The following SNTG2 variants were observed in gnomAD, a reference collection of about 807,000 sequenced individuals.
SNTG2 encodes gamma-2-syntrophin.
SNTG2 carries 74 observed loss-of-function variants against 70.9 expected under a neutral mutation model. The observed-to-expected ratio is 1.04, with a 90% CI of 0.86 to 1.27. SNTG2 has a LOEUF of 1.27. SNTG2 is among the 50% of genes most tolerant of loss of function. SNTG2 has a pLI of 0.00. For missense variants in SNTG2, 717 were observed against 690.7 expected (o/e 1.04, Z -0.43); for synonymous variants, 278 against 273.8 (o/e 1.02, Z -0.15).
At chr2:1,009,591 C>T (rs1659666621) in intron 1 of SNTG2, among the ~76,000 whole-genome samples, 1 of 134,506 alleles carries the variant, frequency 7.4e-6, no homozygotes, top group South Asian at 2.9e-4. Context: ...GCAGCCACAC[C>T]CATGTCCCCA....
At chr2:1,326,349 G>A (rs866598532) in intron 16 of SNTG2, among the ~76,000 whole-genome samples, 6 of 152,148 alleles carry the variant, frequency 3.9e-5, no homozygotes, top group African/African-American at 1.4e-4. Flanking sequence ...TTATTTTAAG[G>A]TCAAAAAGGC....
intron 1 of SNTG2, among the ~76,000 whole-genome samples, chr2:1,031,528 ATTTTTTT>A (rs745388505): frequency 0.14 from 8,523 of 59,120 alleles, 721 homozygotes; most frequent in Middle Eastern, 0.21. Flanking sequence ...ATATATATAT[ATTTTTTT>A]TTTTTTTTTT....
chr2:1,037,696 G>A (rs991606095), intron 1 of SNTG2, among the ~76,000 whole-genome samples: 18 of 152,154 alleles, frequency 1.2e-4, no homozygotes, highest in South Asian at 8.3e-4. Flanking sequence ...AACATAGGAC[G>A]TCTGGTCTTT....
chr2:1,164,012 C>A (rs939695992), intron 6 of SNTG2, among the ~76,000 whole-genome samples: 1 of 152,208 alleles, frequency 6.6e-6, no homozygotes, highest in African/African-American at 2.4e-5. Flanking sequence ...CTGTAATCCT[C>A]CAGGTAGGCA....
At chr2:1,214,511 A>G (rs773623519) in intron 9 of SNTG2, among the ~76,000 whole-genome samples, 11 of 152,028 alleles carry the variant, frequency 7.2e-5, no homozygotes, top group Non-Finnish European at 1.6e-4. Context: ...ACTACTGTAA[A>G]TGGGATTGTT....
intron 2 of SNTG2, among the ~76,000 whole-genome samples, chr2:1,084,045 A>G (rs577961352): frequency 6.6e-6 from 1 of 152,254 alleles, no homozygotes; most frequent in South Asian, 2.1e-4. Flanking sequence ...CATCTCAAAA[A>G]AAAAAGGAAA....
Position 1,267,398 on chromosome 2 carries a change from A to G in SNTG2, c.1111A>G (p.Asn371Asp). ...CACAGAGGACTGCTGGTTGCAAGCA[A>G]ACTTGTATCTGGGTCTTCAAGATTT... Reference protein sequence around the residue: ...WLTEDCWLQANLYLGLQDFDF... With the variant: ...WLTEDCWLQADLYLGLQDFDF... Residue 371 changes from asparagine to aspartate, a missense_variant, in exon 14 of 17, where the codon AAC becomes GAC. Physicochemically the swap from Asn to Asp is conservative, Grantham distance 23 (BLOSUM62 1). Coordinates refer to ENST00000308624, the MANE Select transcript of SNTG2 (RefSeq NM_018968.4). 1 of 1,609,388 alleles carries G rather than the reference A, an allele frequency of 6.2e-7. No individual in the cohort carries two copies.
intron 1 of SNTG2, among the ~76,000 whole-genome samples, chr2:990,445 A>G (rs977958429): frequency 2.0e-5 from 3 of 152,164 alleles, no homozygotes; most frequent in Non-Finnish European, 4.4e-5. Context: ...TTCTGGGTTC[A>G]CAGATGGCCC....
chr2:1,308,573 A>G lies in SNTG2; in HGVS notation c.1364A>G (p.Glu455Gly), dbSNP rs781174984. The G allele has an allele frequency of 1.4e-5, 22 of 1,551,496 alleles. No individual in the cohort carries two copies. The African/African-American group carries it at 2.2e-4, about 15-fold the overall frequency. ...TTCGCGTTGGGATTTACCTGTTTTG[A>G]GAGTAAGACCAAGGTAAGAGGCCAA... is the stretch of plus-strand genomic sequence containing the variant. ...VDFALGFTCF[E>G]SKTKNVLWRF... The change falls in exon 15 of 17, where the codon GAG becomes GGG. Residue 455 changes from glutamate to glycine, a missense_variant. Coordinates refer to ENST00000308624, the MANE Select transcript of SNTG2 (RefSeq NM_018968.4).
At position 1,064,966 on chromosome 2, in the gene SNTG2, A is replaced by G. The variant is rs531381404; in HGVS notation, c.73-18552A>G. Reference sequence around the variant, plus strand: ...TTTGGGGAAGATACTCTGTGTCAATACTAAGCATCAACAACATTGTGGAGC... The same window carrying G: ...TTTGGGGAAGATACTCTGTGTCAATGCTAAGCATCAACAACATTGTGGAGC... On this transcript the variant is annotated intron_variant, in intron 1 of 16. Transcript: ENST00000308624. Among the ~76,000 whole-genome samples the G allele has an allele frequency of 1.2e-4, 18 of 152,378 alleles. No individual in the cohort carries two copies. In the South Asian group the frequency reaches 1.7e-3, roughly 14 times the overall value.
intron 1 of SNTG2, among the ~76,000 whole-genome samples, chr2:1,004,991 A>G (rs926557752): frequency 3.3e-5 from 5 of 152,210 alleles, no homozygotes; most frequent in African/African-American, 9.7e-5. Flanking sequence ...AGTCACTGTA[A>G]TGTTATTCAA....
At chr2:1,144,985 A>C (rs1156989965) in intron 6 of SNTG2, among the ~76,000 whole-genome samples, 2 of 152,268 alleles carry the variant, frequency 1.3e-5, no homozygotes, top group African/African-American at 4.8e-5. Context: ...ACACTGGTCA[A>C]AGAAGAAATC....
intron 1 of SNTG2, among the ~76,000 whole-genome samples, chr2:957,510 T>C (rs1660205979): frequency 6.6e-6 from 1 of 152,144 alleles, no homozygotes; most frequent in Non-Finnish European, 1.5e-5. Context: ...TACCTATTAA[T>C]TGCCACACAC....
chr2:1,004,120 A>G (rs1659493817), intron 1 of SNTG2, among the ~76,000 whole-genome samples: 1 of 152,230 alleles, frequency 6.6e-6, no homozygotes, highest in Admixed American at 6.5e-5. Flanking sequence ...TTTTAATTCT[A>G]TAAAAGAAGT....
intron 2 of SNTG2, among the ~76,000 whole-genome samples, chr2:1,091,278 G>C (rs983353032): frequency 1.3e-5 from 2 of 152,180 alleles, no homozygotes; most frequent in South Asian, 2.1e-4. Flanking sequence ...GGCTGACCAG[G>C]AAAGCTGCCA....
chr2:1,035,892 A>C (rs954533436), intron 1 of SNTG2, among the ~76,000 whole-genome samples: 14 of 152,238 alleles, frequency 9.2e-5, no homozygotes, highest in African/African-American at 2.9e-4. Flanking sequence ...ATTTTTTTCC[A>C]AAATAAACAA....
At chr2:1,359,418 G>C (rs996219365) in intron 16 of SNTG2, among the ~76,000 whole-genome samples, 1 of 152,074 alleles carries the variant, frequency 6.6e-6, no homozygotes, top group Admixed American at 6.6e-5. Context: ...CTTCCTGGTG[G>C]ATTGATTCTG....
intron 13 of SNTG2, among the ~76,000 whole-genome samples, chr2:1,266,751 C>CTTTCTTTT (rs1553375845): frequency 9.3e-6 from 1 of 107,752 alleles, no homozygotes; most frequent in Admixed American, 1.2e-4. Flanking sequence ...TCATCTTTAT[C>CTTTCTTTT]TTTTTTTTTT....
intron 1 of SNTG2, among the ~76,000 whole-genome samples, chr2:997,710 C>T (rs76084964): frequency 1.3e-5 from 2 of 152,174 alleles, no homozygotes; most frequent in African/African-American, 4.8e-5. Context: ...CATAGACCCC[C>T]CTCTGGGGCT....
Sources: allele counts gnomAD v4.1 joint callset (sites outside exome capture counted in the v4.1 genomes callset), GRCh38; gene constraint gnomAD v4.1.1; transcripts MANE v1.5; gene names NCBI Gene and HGNC (gene_info 2026-07-23, HGNC 2026-07-21).